The following CDH4 variants were observed in gnomAD, a reference collection of about 807,000 sequenced individuals.
The protein encoded by CDH4 is cadherin 4.
In CDH4, 33 loss-of-function variants were observed where a neutral mutation model predicts 86.0. That is an observed-to-expected ratio of 0.38 (90% CI 0.29 to 0.51). The LOEUF (loss-of-function observed/expected upper bound fraction) is 0.51, where lower values mean the gene tolerates loss of function less well. CDH4 is among the 20% of genes least tolerant of loss of function. CDH4 has a pLI of 0.86. For synonymous variants in CDH4, 555 were observed against 549.4 expected, an observed-to-expected ratio of 1.01 and a Z score of -0.14; for missense variants, 1,114 against 1,307.4, an observed-to-expected ratio of 0.85 and a Z score of 2.28.
chr20:61,893,285 A>T (rs1320858931), intron 7 of CDH4, among the ~76,000 whole-genome samples: 1 of 110,620 alleles, frequency 9.0e-6, no homozygotes, highest in Non-Finnish European at 1.8e-5. Flanking sequence ...TGGGTGGGTA[A>T]ATAGAGGGAT....
chr20:61,607,898 C>T lies in CDH4; in HGVS notation c.170-135665C>T, dbSNP rs1199942650. ...TGGAACCTGAGCCTGCCAGGCTTTGCCCGTGTCTCACAGTGCAGAGTCTCC... is the reference window on the plus strand; with the variant it reads ...TGGAACCTGAGCCTGCCAGGCTTTGTCCGTGTCTCACAGTGCAGAGTCTCC... On this transcript the variant is annotated intron_variant, in intron 2 of 15. Coordinates refer to ENST00000614565, the MANE Select transcript of CDH4 (RefSeq NM_001794.5). Among the ~76,000 whole-genome samples, 4 of 152,188 alleles carry T rather than the reference C, an allele frequency of 2.6e-5. No homozygotes were observed. The East Asian group carries it at 7.7e-4, about 29-fold the overall frequency.
At chr20:61,675,930 G>T (rs1267559193) in intron 2 of CDH4, among the ~76,000 whole-genome samples, 3 of 152,232 alleles carry the variant, frequency 2.0e-5, no homozygotes, top group Non-Finnish European at 4.4e-5. Flanking sequence ...ACTGTGGAGG[G>T]TTGCTCTACC....
intron 5 of CDH4, among the ~76,000 whole-genome samples, chr20:61,848,818 G>A (rs1426455289): frequency 6.6e-6 from 1 of 152,148 alleles, no homozygotes; most frequent in East Asian, 1.9e-4. Flanking sequence ...GTAAACCACT[G>A]CACCGAGCCC....
chr20:61,373,747 G>T (rs977225851), intron 2 of CDH4, among the ~76,000 whole-genome samples: 2 of 152,174 alleles, frequency 1.3e-5, no homozygotes, highest in African/African-American at 4.8e-5. Flanking sequence ...TTCCCCTCTG[G>T]GTGCCATGCG....
chr20:61,595,800 G>A (rs918530139), intron 2 of CDH4, among the ~76,000 whole-genome samples: 7 of 152,224 alleles, frequency 4.6e-5, no homozygotes, highest in Admixed American at 6.5e-5. Context: ...TTGGGAGCAC[G>A]TGGGTGGGAA....
intron 2 of CDH4, among the ~76,000 whole-genome samples, chr20:61,270,743 C>T (rs992909934): frequency 1.3e-5 from 2 of 152,144 alleles, no homozygotes; most frequent in African/African-American, 2.4e-5. Context: ...TTTGAAGTCT[C>T]GTATCCTTCG....
chr20:61,387,893 A>G (rs2084961211), intron 2 of CDH4, among the ~76,000 whole-genome samples: 1 of 117,320 alleles, frequency 8.5e-6, no homozygotes, highest in Non-Finnish European at 1.7e-5. Flanking sequence ...ACTGCCGCCC[A>G]GATCCACTGT....
chr20:61,559,519 C>CTTTTTTTTTTTTTTTTTTTTTTTT (rs1156864328), intron 2 of CDH4, among the ~76,000 whole-genome samples: 2 of 105,176 alleles, frequency 1.9e-5, no homozygotes, highest in African/African-American at 4.2e-5. Context: ...ATTTTTTTTT[C>CTTTTTTTTTTTTTTTTTTTTTTTT]TTTTTTTTTT....
chr20:61,361,743 G>A (rs1175538364), intron 2 of CDH4, among the ~76,000 whole-genome samples: 1 of 152,208 alleles, frequency 6.6e-6, no homozygotes, highest in Non-Finnish European at 1.5e-5. Flanking sequence ...CATGAAGCCA[G>A]GGCAATGAGG....
chr20:61,304,870 G>A (rs2123211828), intron 2 of CDH4, among the ~76,000 whole-genome samples: 1 of 152,016 alleles, frequency 6.6e-6, no homozygotes, highest in South Asian at 2.1e-4. Context: ...GTGTGTGTGT[G>A]TGTTCGGTGC....
At chr20:61,534,860 TGGC>T (rs2085984765) in intron 2 of CDH4, among the ~76,000 whole-genome samples, 1 of 124,830 alleles carries the variant, frequency 8.0e-6, no homozygotes, top group Non-Finnish European at 1.7e-5. Flanking sequence ...GGTGGGACAG[TGGC>T]AGAGATGCCT....
chr20:61,649,352 G>A (rs1235064945), intron 2 of CDH4, among the ~76,000 whole-genome samples: 1 of 152,254 alleles, frequency 6.6e-6, no homozygotes, highest in Non-Finnish European at 1.5e-5. Flanking sequence ...GCTGCCTGGG[G>A]CCGTGTAGGC....
At chr20:61,652,861 G>C (rs1202629882) in intron 2 of CDH4, among the ~76,000 whole-genome samples, 2 of 85,348 alleles carry the variant, frequency 2.3e-5, no homozygotes, top group South Asian at 3.3e-4. Flanking sequence ...TTTTTTTTGG[G>C]GGGGGGATAA....
At chr20:61,489,233 T>C (rs1292984094) in intron 2 of CDH4, among the ~76,000 whole-genome samples, 1 of 152,196 alleles carries the variant, frequency 6.6e-6, no homozygotes, top group African/African-American at 2.4e-5. Context: ...CATTATTCTG[T>C]TAAGCTCCTG....
chr20:61,620,806 A>G (rs2086770670), intron 2 of CDH4, among the ~76,000 whole-genome samples: 1 of 152,258 alleles, frequency 6.6e-6, no homozygotes, highest in Admixed American at 6.5e-5. Context: ...CGAATCAGGT[A>G]GAAAATGGAC....
intron 6 of CDH4, among the ~76,000 whole-genome samples, chr20:61,865,238 TTAGTG>T (rs1983494073): frequency 6.6e-6 from 1 of 152,152 alleles, no homozygotes; most frequent in Non-Finnish European, 1.5e-5. Context: ...TCCTGGCTGA[TTAGTG>T]TAGGTGATGA....
intron 2 of CDH4, among the ~76,000 whole-genome samples, chr20:61,396,773 C>A (rs1376603828): frequency 6.6e-6 from 1 of 152,192 alleles, no homozygotes; most frequent in African/African-American, 2.4e-5. Flanking sequence ...GGCACAGTGA[C>A]CCATCACTAG....
intron 4 of CDH4, among the ~76,000 whole-genome samples, chr20:61,806,408 C>T (rs1307442959): frequency 6.6e-6 from 1 of 152,202 alleles, no homozygotes; most frequent in African/African-American, 2.4e-5. Context: ...CGTCCACTCG[C>T]CTGCAGGAGG....
chr20:61,596,357 G>T (rs1398849063), intron 2 of CDH4, among the ~76,000 whole-genome samples: 2 of 152,102 alleles, frequency 1.3e-5, no homozygotes, highest in Non-Finnish European at 2.9e-5. Context: ...GCCACAGGAG[G>T]GGTTACTATT....
Sources: allele counts gnomAD v4.1 joint callset (sites outside exome capture counted in the v4.1 genomes callset), GRCh38; gene constraint gnomAD v4.1.1; transcripts MANE v1.5; gene names NCBI Gene and HGNC (gene_info 2026-07-23, HGNC 2026-07-21).